Variants in SYNPR observed in about 807,000 individuals in gnomAD.
SYNPR encodes synaptoporin.
In SYNPR, 23 loss-of-function variants were observed where a neutral mutation model predicts 32.9. The observed-to-expected ratio is 0.70, with a 90% CI of 0.50 to 0.99. SYNPR has a LOEUF of 0.99. Among genes scored for constraint, SYNPR ranks in the 50% least tolerant of loss-of-function variants. The pLI, the probability that SYNPR is intolerant of heterozygous loss-of-function variation, is 0.00. For missense variants in SYNPR, 318 were observed against 349.3 expected, an observed-to-expected ratio of 0.91 and a Z score of 0.71; for synonymous variants, 146 against 135.9, an observed-to-expected ratio of 1.07 and a Z score of -0.52.
rs78565734 is a variant in SYNPR at position 63,471,601 on chromosome 3, A to G, written c.85-9231A>G. On this transcript the variant is annotated intron_variant, in intron 2 of 5. Transcript: ENST00000478300. ...CATCTGTCTACTGGGGGCCTCCTGT[A>G]TAGGGAGTGGAGCATGAGGGAGGCC... is the stretch of plus-strand genomic sequence containing the variant. Among the ~76,000 whole-genome samples the G allele has an allele frequency of 8.4e-3, 1,273 of 152,328 alleles. 54 individuals carry two copies. In the East Asian group the frequency reaches 0.13, roughly 16 times the overall value.
intron 3 of SYNPR, among the ~76,000 whole-genome samples, chr3:63,494,872 C>T (rs1701342073): frequency 6.6e-6 from 1 of 152,016 alleles, no homozygotes; most frequent in South Asian, 2.1e-4. Flanking sequence ...TTGACAAGTC[C>T]CCACAATTGC....
intron 4 of SYNPR, among the ~76,000 whole-genome samples, chr3:63,600,508 G>A (rs191008673): frequency 5.1e-4 from 78 of 152,118 alleles, no homozygotes; most frequent in Admixed American, 1.6e-3. Flanking sequence ...GCTTAATATG[G>A]TTTGGCTGTG....
intron 2 of SYNPR, among the ~76,000 whole-genome samples, chr3:63,449,001 C>G (rs1225878914): frequency 6.6e-6 from 1 of 152,070 alleles, no homozygotes; most frequent in Non-Finnish European, 1.5e-5. Context: ...AAGCAGGGAG[C>G]TGGAAAAGAT....
chr3:63,600,150 G>A (rs1187131985), intron 4 of SYNPR, among the ~76,000 whole-genome samples: 1 of 152,142 alleles, frequency 6.6e-6, no homozygotes, highest in Non-Finnish European at 1.5e-5. Flanking sequence ...AGTAAAATGG[G>A]GATAATGTAG....
chr3:63,361,562 C>A (rs181718333), intron 2 of SYNPR, among the ~76,000 whole-genome samples: 1 of 144,286 alleles, frequency 6.9e-6, no homozygotes, highest in East Asian at 2.3e-4. Flanking sequence ...TGCACCACTG[C>A]GCTCCAGCCT....
chr3:63,222,984 T>C, the SYNPR span, among the ~76,000 whole-genome samples: 7 of 152,322 alleles, frequency 4.6e-5, no homozygotes, highest in South Asian at 1.0e-3. Context: ...AAATCTGCTG[T>C]AGATCAGGCA....
intron 4 of SYNPR, among the ~76,000 whole-genome samples, chr3:63,589,514 T>G (rs987827332): frequency 9.2e-5 from 14 of 151,684 alleles, no homozygotes; most frequent in Non-Finnish European, 5.9e-5. Context: ...AAAGAGAATT[T>G]TAGACCAATA....
chr3:63,214,102 T>G, the SYNPR span, among the ~76,000 whole-genome samples: 1 of 46,320 alleles, frequency 2.2e-5, no homozygotes, highest in East Asian at 2.7e-4. Context: ...CTGCTGGATT[T>G]GGTTTGCCAG....
At chr3:63,405,392 G>GT (rs1560219724) in intron 2 of SYNPR, among the ~76,000 whole-genome samples, 2 of 152,124 alleles carry the variant, frequency 1.3e-5, no homozygotes, top group African/African-American at 4.8e-5. Context: ...AAATGCTGAG[G>GT]TAAGGCAAGA....
chr3:63,366,176 C>A (rs1483449965), intron 2 of SYNPR, among the ~76,000 whole-genome samples: 1 of 152,168 alleles, frequency 6.6e-6, no homozygotes, highest in Non-Finnish European at 1.5e-5. Context: ...CATATGGAAT[C>A]TCTGGTTATG....
the SYNPR span, among the ~76,000 whole-genome samples, chr3:63,203,827 T>C: frequency 6.6e-6 from 1 of 152,050 alleles, no homozygotes; most frequent in Admixed American, 6.6e-5. Flanking sequence ...TGAAACCCTA[T>C]CTCTACTAAA....
At chr3:63,310,547 C>A (rs2086953941) in intron 2 of SYNPR, among the ~76,000 whole-genome samples, 1 of 151,980 alleles carries the variant, frequency 6.6e-6, no homozygotes, top group South Asian at 2.1e-4. Context: ...CATATAGATT[C>A]TTGCTGATGT....
At chr3:63,507,193 C>G (rs563700044) in intron 3 of SYNPR, among the ~76,000 whole-genome samples, 1 of 151,382 alleles carries the variant, frequency 6.6e-6, no homozygotes, top group South Asian at 2.1e-4. Flanking sequence ...GGGCTCTTTA[C>G]CAACAGATGC....
chr3:63,242,796 G>T (rs1475457402), intron 1 of SYNPR, among the ~76,000 whole-genome samples: 3 of 151,968 alleles, frequency 2.0e-5, no homozygotes, highest in Non-Finnish European at 2.9e-5. Context: ...ATCTGAAAAA[G>T]ACTTTATTTT....
intron 1 of SYNPR, among the ~76,000 whole-genome samples, chr3:63,236,749 A>G (rs1165313124): frequency 1.3e-5 from 2 of 152,082 alleles, no homozygotes; most frequent in African/African-American, 4.8e-5. Flanking sequence ...TTCCAGTTCT[A>G]GGAGTATTTT....
intron 2 of SYNPR, among the ~76,000 whole-genome samples, chr3:63,284,122 A>G (rs1442403912): frequency 6.6e-6 from 1 of 151,926 alleles, no homozygotes; most frequent in Non-Finnish European, 1.5e-5. Flanking sequence ...GGTAATTCTT[A>G]TTTTGCTACT....
chr3:63,244,813 C>T (rs902148029), intron 1 of SYNPR, among the ~76,000 whole-genome samples: 6 of 152,046 alleles, frequency 3.9e-5, no homozygotes, highest in African/African-American at 9.7e-5. Context: ...GCTGTCTGCA[C>T]GGCTTTTCTT....
rs200107405 is a variant in SYNPR, at chr3:63,408,841, C to T, written c.85-71991C>T. On this transcript the variant is annotated intron_variant, in intron 2 of 5. Transcript: ENST00000478300. ...GATATATCAAGAAATAATGCTCTAC[C>T]GGCTATCTGGGAATCCATTAATCCA... is the stretch of plus-strand genomic sequence containing the variant. Among the ~76,000 whole-genome samples the T allele has an allele frequency of 1.8e-4, 28 of 152,196 alleles. 1 individual carries two copies. The East Asian group carries it at 1.9e-3, about 11-fold the overall frequency.
intron 2 of SYNPR, among the ~76,000 whole-genome samples, chr3:63,400,410 A>G (rs1411284461): frequency 6.6e-6 from 1 of 152,222 alleles, no homozygotes; most frequent in East Asian, 1.9e-4. Context: ...TGAAGGACTG[A>G]GTGATTTGCT....
Sources: gnomAD v4.1 joint callset for allele counts (sites outside exome capture counted in the v4.1 genomes callset) on GRCh38, gnomAD v4.1.1 for gene constraint, MANE v1.5 for transcripts, NCBI Gene and HGNC (gene_info 2026-07-23, HGNC 2026-07-21) for gene names.